Variants in TRANK1 observed in about 807,000 individuals in gnomAD.
TRANK1 encodes TPR and ankyrin repeat-containing protein 1.
Under a neutral mutation model 266.0 loss-of-function variants are expected in TRANK1, and 198 were observed. That is an observed-to-expected ratio of 0.74 (90% CI 0.66 to 0.84). TRANK1 has a LOEUF of 0.84. Ranked by LOEUF, TRANK1 falls within the 40% of genes least tolerant of loss-of-function variation. The pLI, the probability that TRANK1 is intolerant of heterozygous loss-of-function variation, is 0.00. For missense variants in TRANK1, 3,326 were observed against 3,634.6 expected (o/e 0.92, Z 2.18); for synonymous variants, 1,396 against 1,384.1 (o/e 1.01, Z -0.19).
chr3:36,893,197 G>A (rs2079734113), intron 5 of TRANK1, among the ~76,000 whole-genome samples: 1 of 151,906 alleles, frequency 6.6e-6, no homozygotes, highest in East Asian at 1.9e-4. Context: ...TGAGGACTAA[G>A]GCCCCTCCAC....
rs140181671 is a variant in TRANK1, at chr3:36,841,876, CCTGA to C, written c.5280+742_5280+745del. Among the ~76,000 whole-genome samples, 954 of 151,152 alleles carry C rather than the reference CCTGA, an allele frequency of 6.3e-3. 13 individuals are homozygous for C. The highest frequency in any genetic ancestry group is 0.023 in the African/African-American group (925 of 40,970). ...TTGAACTGCAGAACCAACCCTAAGA[CCTGA>C]CTTGTTGTTATTAGATTAAAGCAAA... On this transcript the variant is annotated intron_variant, in intron 18 of 23. Coordinates refer to ENST00000645898, the MANE Select transcript of TRANK1 (RefSeq NM_001329998.2).
At position 36,892,852 on chromosome 3, in the gene TRANK1, C is replaced by CATAT. The variant is rs60833390; in HGVS notation, c.636+45_636+48dup. 7.0e-3 allele frequency: 4,089 copies of CATAT among 581,296 alleles called. 95 individuals carry two copies. Among genetic ancestry groups the CATAT allele is most frequent in the African/African-American group, 0.065 (2,923 of 44,644 alleles). 36.0% of individuals were successfully genotyped at this position (581,296 alleles called of 1,614,324 possible). Reference sequence around the variant, plus strand: ...CAAAACAAAACAAAACAAAACAAAACATATATATATATATATATAGATATA... The same window carrying CATAT: ...CAAAACAAAACAAAACAAAACAAAACATATATATATATATATATATATAGATATA... On this transcript the variant is annotated intron_variant, in intron 6 of 23. Transcript: ENST00000645898.
At chr3:36,844,626 T>C (rs2078891545) in intron 17 of TRANK1, among the ~76,000 whole-genome samples, 1 of 152,180 alleles carries the variant, frequency 6.6e-6, no homozygotes. Context: ...AATCCACTCA[T>C]TTTCCTTTGG....
intron 9 of TRANK1, among the ~76,000 whole-genome samples, chr3:36,868,924 A>G (rs2079265723): frequency 6.6e-6 from 1 of 152,204 alleles, no homozygotes; most frequent in African/African-American, 2.4e-5. Context: ...AAGGCCAAGA[A>G]CTAGTAAATC....
intron 7 of TRANK1, 113 bp downstream of exon 7, chr3:36,892,089 T>C (rs1469162464): frequency 3.2e-6 from 4 of 1,252,076 alleles, no homozygotes; most frequent in Admixed American, 3.0e-5. Context: ...CATTTGAATA[T>C]TCAAATGGTC....
intron 13 of TRANK1, among the ~76,000 whole-genome samples, chr3:36,853,293 G>A (rs1219157295): frequency 1.3e-5 from 2 of 152,188 alleles, no homozygotes; most frequent in Non-Finnish European, 2.9e-5. Flanking sequence ...CTTCCTGGGT[G>A]TCTCCACTAC....
intron 1 of TRANK1, among the ~76,000 whole-genome samples, chr3:36,914,092 TC>T (rs1327304021): frequency 2.6e-5 from 4 of 151,746 alleles, no homozygotes; most frequent in Non-Finnish European, 5.9e-5. Context: ...ATTATCTACC[TC>T]CCCAATATCT....
At chr3:36,904,289 G>A (rs1458410835) in intron 2 of TRANK1, among the ~76,000 whole-genome samples, 11 of 151,776 alleles carry the variant, frequency 7.2e-5, no homozygotes, top group African/African-American at 9.7e-5. Flanking sequence ...GCAGCACTTC[G>A]GGAGGCCGAG....
At chr3:36,916,376 C>A (rs1421728450) in intron 1 of TRANK1, among the ~76,000 whole-genome samples, 1 of 152,100 alleles carries the variant, frequency 6.6e-6, no homozygotes, top group Non-Finnish European at 1.5e-5. Context: ...CTAGCCTGAC[C>A]AACATGGTGA....
chr3:36,867,141 A>G (rs755760454), intron 9 of TRANK1, among the ~76,000 whole-genome samples: 1 of 152,036 alleles, frequency 6.6e-6, no homozygotes, highest in Non-Finnish European at 1.5e-5. Context: ...TTCCCCTCCC[A>G]TCTTCATCCT....
chr3:36,922,015 C>T (rs2080221045), intron 1 of TRANK1, among the ~76,000 whole-genome samples: 6 of 152,266 alleles, frequency 3.9e-5, no homozygotes, highest in Middle Eastern at 3.4e-3. Context: ...AACATGGTGG[C>T]ATGCACCTGT....
chr3:36,896,832 T>TA (rs902082336), intron 4 of TRANK1, among the ~76,000 whole-genome samples: 3 of 151,700 alleles, frequency 2.0e-5, no homozygotes, highest in African/African-American at 2.4e-5. Context: ...CCTTCTCTAC[T>TA]AAAAAAACAA....
At position 36,879,954 on chromosome 3, in the gene TRANK1, ATGTAAACATG is replaced by A. The variant is rs1559449493; in HGVS notation, c.908-5668_908-5659del. 8.1e-3 allele frequency among the ~76,000 whole-genome samples: 90 copies of A among 11,070 alleles called. 28 individuals carry two copies. The highest frequency in any genetic ancestry group is 0.016 in the African/African-American group (25 of 1,564). The allele number at this position is 11,070 out of a possible 152,430, so 7.3% of individuals were successfully genotyped here. ...CAAATATATGTAAACATGCAAATAT[ATGTAAACATG>A]CAAATATATGTAAACATGCAAATAT... On this transcript the variant is annotated intron_variant, in intron 8 of 23. Transcript: ENST00000645898.
At chr3:36,903,372 G>T (rs1223302502) in intron 2 of TRANK1, 97 bp from the exon 3 acceptor site, 8 of 1,434,646 alleles carry the variant, frequency 5.6e-6, no homozygotes, top group East Asian at 2.5e-5. Context: ...CATCAGGAAG[G>T]GGGTTTCAGT....
chr3:36,838,489 T>G lies in TRANK1; in HGVS notation c.5400A>C (p.Glu1800Asp), dbSNP rs1389183158. The G allele has an allele frequency of 1.9e-6, 3 of 1,613,944 alleles. No homozygotes were observed. The highest frequency in any genetic ancestry group is 2.5e-6 in the Non-Finnish European group (3 of 1,179,910). Residue 1800 changes from glutamate to aspartate, a missense_variant, in exon 20 of 24, where the codon GAA becomes GAC. Physicochemically the swap from Glu to Asp is conservative, Grantham distance 45. Coordinates refer to ENST00000645898, the MANE Select transcript of TRANK1 (RefSeq NM_001329998.2). ...AATAGGTCTTAGCCAATTCCAAATA[T>G]TCCAACTGCTTTTCCCTAGGGGAAG... ...KKVSPKEKQLEYLELAKTYLE... is the reference protein window; with the variant it reads ...KKVSPKEKQLDYLELAKTYLE...
intron 9 of TRANK1, among the ~76,000 whole-genome samples, chr3:36,865,461 A>G (rs1429175495): frequency 6.6e-6 from 1 of 152,208 alleles, no homozygotes. Flanking sequence ...CAGCCACCCA[A>G]ACTTTTATGT....
intron 13 of TRANK1, 98 bp downstream of exon 13, chr3:36,855,075 G>T: frequency 9.2e-7 from 1 of 1,091,474 alleles, no homozygotes; most frequent in Non-Finnish European, 1.3e-6. Flanking sequence ...CCTTACTTCA[G>T]CTGTAAAAAC....
At chr3:36,933,312 G>T (rs1440117449) in intron 1 of TRANK1, among the ~76,000 whole-genome samples, 1 of 152,264 alleles carries the variant, frequency 6.6e-6, no homozygotes, top group Non-Finnish European at 1.5e-5. Context: ...CCTTTGTTCA[G>T]GTGTGCTGTC....
At chr3:36,858,182 T>C in intron 12 of TRANK1, 133 bp from the exon 13 acceptor site, 2 of 723,424 alleles carry the variant, frequency 2.8e-6, no homozygotes, top group Admixed American at 6.0e-5. Flanking sequence ...CTGAAATCCA[T>C]TAAAGAGCTC....
Sources: allele counts gnomAD v4.1 joint callset (sites outside exome capture counted in the v4.1 genomes callset), GRCh38; gene constraint gnomAD v4.1.1; transcripts MANE v1.5; gene names NCBI Gene and HGNC (gene_info 2026-07-23, HGNC 2026-07-21).